Variants in DST observed in about 807,000 individuals in gnomAD.
DST encodes the protein bullous pemphigoid antigen.
DST carries 253 observed loss-of-function variants against 875.2 expected under a neutral mutation model. That is an observed-to-expected ratio of 0.29 (90% CI 0.26 to 0.32). The LOEUF (loss-of-function observed/expected upper bound fraction) is 0.32, where lower values mean the gene tolerates loss of function less well. DST is among the 10% of genes least tolerant of loss of function. The pLI is 1.00. For synonymous variants in DST, 3,124 were observed against 3,197.1 expected (o/e 0.98, Z 0.77); for missense variants, 8,287 against 9,111.6 (o/e 0.91, Z 3.68).
In DST at chr6:56,843,389, C is replaced by G. The variant is rs1562135798; in HGVS notation, c.625+8008G>C. ...TGGTGGGCCGCCCGGCTCCGGGAGCCCGAGTCCCTCTCGGGTTTCAGCAGC... is the reference window on the plus strand; with the variant it reads ...TGGTGGGCCGCCCGGCTCCGGGAGCGCGAGTCCCTCTCGGGTTTCAGCAGC... On this transcript the variant is annotated intron_variant, in intron 4 of 103. Transcript: ENST00000680361. The G allele has an allele frequency of 3.5e-6, 4 of 1,142,466 alleles. No homozygotes were observed. The East Asian group carries it at 1.7e-4, about 49-fold the overall frequency. 70.8% of individuals were successfully genotyped at this position (1,142,466 alleles called of 1,614,324 possible).
Position 56,881,039 on chromosome 6 carries a change from C to T in DST, c.417+19382G>A, listed in dbSNP as rs963282081. ...ATTTTTTGTATTTTTTTAGTAGAGACGGGGTTTCACCGTGTTAGCCAGGAT... is the reference window on the plus strand; with the variant it reads ...ATTTTTTGTATTTTTTTAGTAGAGATGGGGTTTCACCGTGTTAGCCAGGAT... On this transcript the variant is annotated intron_variant, in intron 3 of 103. Transcript: ENST00000680361. 4.0e-5 allele frequency among the ~76,000 whole-genome samples: 6 copies of T among 151,050 alleles called. No individual in the cohort carries two copies. In the South Asian group the frequency reaches 8.4e-4, roughly 21 times the overall value.
chr6:56,535,167 CG>C lies in DST; in HGVS notation c.16895del (p.Pro5632ArgfsTer8). The C allele has an allele frequency of 6.2e-7, 1 of 1,613,818 alleles. No individual in the cohort carries two copies. Among genetic ancestry groups the C allele is most frequent in the Non-Finnish European group, 8.5e-7 (1 of 1,179,838 alleles). ...CCTTTACCACTTTGAACTCAGCCGACGGGGGCTTCTGATTGGCCACAAGCTC... is the reference window on the plus strand; with the variant it reads ...CCTTTACCACTTTGAACTCAGCCGACGGGGCTTCTGATTGGCCACAAGCTC... ...TEELVANQKP[P>X]SAEFKVVKAQ... On this transcript the variant is annotated frameshift_variant, in exon 63 of 104. Transcript: ENST00000680361. LOFTEE classifies it high-confidence loss of function.
chr6:56,510,292 T>C (rs1239623770), intron 73 of DST, among the ~76,000 whole-genome samples: 1 of 152,210 alleles, frequency 6.6e-6, no homozygotes, highest in Non-Finnish European at 1.5e-5. Context: ...ACTTCATTTT[T>C]AATGAACTAT....
At chr6:56,843,607 G>C (rs866657321) in intron 4 of DST, 20 of 983,936 alleles carry the variant, frequency 2.0e-5, no homozygotes, top group Non-Finnish European at 2.2e-5. Flanking sequence ...CGGGAGGACC[G>C]GCGCGCTGCC....
At chr6:56,932,124 G>A (rs980886086) in intron 2 of DST, among the ~76,000 whole-genome samples, 6 of 152,140 alleles carry the variant, frequency 3.9e-5, no homozygotes, top group Non-Finnish European at 8.8e-5. Flanking sequence ...TGTGTTGTGG[G>A]AAGGATCCAG....
chr6:56,578,974 G>A (rs759696748), intron 49 of DST, 37 bp from the exon 50 acceptor site: 25 of 1,488,592 alleles, frequency 1.7e-5, no homozygotes, highest in Middle Eastern at 1.7e-4. Context: ...TACTCAGCAG[G>A]ACTAAATAAT....
intron 4 of DST, among the ~76,000 whole-genome samples, chr6:56,841,069 C>A (rs973595874): frequency 1.3e-5 from 2 of 152,196 alleles, no homozygotes; most frequent in Non-Finnish European, 2.9e-5. Context: ...GTACTCTGAA[C>A]GTTTAGTGAA....
At chr6:56,486,381 A>G (rs944700656) in intron 87 of DST, among the ~76,000 whole-genome samples, 6 of 150,640 alleles carry the variant, frequency 4.0e-5, no homozygotes, top group Admixed American at 2.0e-4. Context: ...AAAAAAAAAA[A>G]AAAAAAGGAT....
intron 4 of DST, among the ~76,000 whole-genome samples, chr6:56,835,820 G>T (rs931277100): frequency 2.0e-5 from 3 of 152,082 alleles, no homozygotes; most frequent in South Asian, 2.1e-4. Context: ...TAATACCAGG[G>T]TTCACTGGGA....
rs1258530296 is a variant in DST, at chr6:56,609,051, T to A, written c.5577A>T (p.Leu1859=). The change falls in exon 40 of 104, where the codon CTA becomes CTT. Residue 1859 remains leucine, a synonymous_variant. Coordinates refer to ENST00000680361, the MANE Select transcript of DST (RefSeq NM_001374736.1). ...TGGATTCTGTTATCATGCTTTGAGC[T>A]AGAGCATCCAGTACTGGAATTGTGG... ...SPTTIPVLDA[L]AQSMITESMA... The A allele has an allele frequency of 1.9e-6, 3 of 1,613,878 alleles. No individual in the cohort carries two copies. Among genetic ancestry groups the A allele is most frequent in the South Asian group, 2.2e-5 (2 of 91,072 alleles).
chr6:56,491,130 CTCATTTGTAACACTGAACATTTCACACCT>C (rs1386395070), intron 85 of DST, among the ~76,000 whole-genome samples: 1 of 152,174 alleles, frequency 6.6e-6, no homozygotes, highest in African/African-American at 2.4e-5. Context: ...ATCCCAGTGA[CTCATTTGTAACACTGAACATTTCACACCT>C]CCCATTCAAA....
chr6:56,497,727 T>C, intron 81 of DST, 129 bp downstream of exon 81: 1 of 995,798 alleles, frequency 1.0e-6, no homozygotes, highest in South Asian at 1.8e-5. Flanking sequence ...CTGTTCTTTA[T>C]TTCACTTATT....
chr6:56,581,678 C>T (rs902780410), intron 49 of DST, among the ~76,000 whole-genome samples: 5 of 152,238 alleles, frequency 3.3e-5, no homozygotes, highest in Non-Finnish European at 7.3e-5. Flanking sequence ...TTTAATTTAT[C>T]TTAAGCAACT....
At chr6:56,842,809 T>C (rs1311685201) in intron 4 of DST, among the ~76,000 whole-genome samples, 1 of 152,168 alleles carries the variant, frequency 6.6e-6, no homozygotes, top group Non-Finnish European at 1.5e-5. Context: ...ATGTGCTTCT[T>C]GGAAACAACC....
At position 56,634,157 on chromosome 6, in the gene DST, C is replaced by A; in HGVS notation, c.3596G>T (p.Arg1199Ile). ...SWHYLINEID[R>I]IRASNVASIK... ...TGAAGCCACATTGCTAGCTCGAATTCTATCAATTTCATTGATGAGATAATG... is the reference window on the plus strand; with the variant it reads ...TGAAGCCACATTGCTAGCTCGAATTATATCAATTTCATTGATGAGATAATG... Residue 1199 changes from arginine to isoleucine, a missense_variant, in exon 27 of 104, where the codon AGA becomes ATA. Arg to Ile is a moderately conservative substitution (Grantham distance 97). Around this residue, in one of 10 missense-constraint regions of DST, gnomAD observed 3,138 missense variants for 3,116.6 expected, o/e 1.01. Coordinates refer to ENST00000680361, the MANE Select transcript of DST (RefSeq NM_001374736.1). The A allele has an allele frequency of 1.2e-6, 2 of 1,613,372 alleles. No individual in the cohort carries two copies. Among genetic ancestry groups the A allele is most frequent in the Non-Finnish European group, 1.7e-6 (2 of 1,179,982 alleles).
chr6:56,463,525 A>G, intron 101 of DST, 40 bp downstream of exon 101: 1 of 1,501,216 alleles, frequency 6.7e-7, no homozygotes, highest in Non-Finnish European at 8.9e-7. Flanking sequence ...TGGGACATTG[A>G]TTGCAAAGGT....
chr6:56,472,371 G>A (rs2094939895), intron 93 of DST, 149 bp from the exon 94 acceptor site: 6 of 690,468 alleles, frequency 8.7e-6, no homozygotes, highest in Non-Finnish European at 1.4e-5. Flanking sequence ...GATGTATAAT[G>A]TCAAGGCCCA....
chr6:56,604,352 G>C lies in DST; in HGVS notation c.10276C>G (p.Leu3426Val). ...GVSPMTNSSE[L>V]KPESRDDPFC... ...GGATCATCTCTACTTTCTGGCTTTA[G>C]TTCTGATGAGTTAGTCATGGGGGAA... The change falls in exon 40 of 104, where the codon CTA (leucine) becomes GTA (valine). Residue 3426 changes from leucine (L) to valine (V), a missense_variant. By Grantham distance (32) the Leu-to-Val change is conservative (BLOSUM62 1). This residue lies in a region of DST where 3,138 missense variants were observed against 3,116.6 expected (regional missense o/e 1.01). Transcript: ENST00000680361. 6.2e-7 allele frequency: 1 copy of C among 1,612,284 alleles called. No individual in the cohort carries two copies.
At chr6:56,513,055 G>A (rs921386173) in intron 72 of DST, among the ~76,000 whole-genome samples, 4 of 152,170 alleles carry the variant, frequency 2.6e-5, no homozygotes, top group Non-Finnish European at 5.9e-5. Flanking sequence ...ACGTTCTCCT[G>A]TCAATGTTCT....
Sources: allele counts gnomAD v4.1 joint callset (sites outside exome capture counted in the v4.1 genomes callset), GRCh38; gene constraint gnomAD v4.1.1; regional missense constraint gnomAD v4.1.1; transcripts MANE v1.5; gene names NCBI Gene and HGNC (gene_info 2026-07-23, HGNC 2026-07-21).